Variants in CTNNBL1 observed in about 807,000 individuals in gnomAD.
CTNNBL1 encodes the protein catenin beta like 1, also known as beta-catenin-like protein 1.
A neutral mutation model predicts 72.7 loss-of-function variants in CTNNBL1; 31 were observed. The observed-to-expected ratio is 0.43, with a 90% CI of 0.32 to 0.58. The LOEUF is 0.58. CTNNBL1 is among the 20% of genes least tolerant of loss of function. CTNNBL1 has a pLI of 0.08. For missense variants in CTNNBL1, 534 were observed against 725.1 expected (o/e 0.74, Z 3.03); for synonymous variants, 240 against 267.3 (o/e 0.90, Z 1.00).
intron 3 of CTNNBL1, among the ~76,000 whole-genome samples, chr20:37,740,931 AGGGAGCATCAT>A (rs1442390679): frequency 6.6e-6 from 1 of 152,220 alleles, no homozygotes; most frequent in African/African-American, 2.4e-5. Context: ...ACTTGGATGG[AGGGAGCATCAT>A]GTTCCCCCAG....
chr20:37,820,462 A>G (rs1337516520), intron 11 of CTNNBL1, among the ~76,000 whole-genome samples: 1 of 152,096 alleles, frequency 6.6e-6, no homozygotes, highest in East Asian at 1.9e-4. Context: ...TGCTCCTTCC[A>G]GTGTTCCAGA....
intron 10 of CTNNBL1, among the ~76,000 whole-genome samples, chr20:37,787,623 C>T (rs1161796839): frequency 6.6e-6 from 1 of 152,186 alleles, no homozygotes; most frequent in East Asian, 1.9e-4. Context: ...GGATTACAGG[C>T]GTGAGCCACC....
At position 37,791,067 on chromosome 20, in the gene CTNNBL1, C is replaced by T. The variant is rs6020938; in HGVS notation, c.1031+11732C>T. Among the ~76,000 whole-genome samples, 490 of 152,248 alleles carry T rather than the reference C, an allele frequency of 3.2e-3. 7 individuals carry two copies. Among genetic ancestry groups the T allele is most frequent in the African/African-American group, 0.011 (442 of 41,504 alleles). ...CACTCACTGTAATTATTTTGAGATT[C>T]GTCCATGTTGTGTATCAATAATTAG... On this transcript the variant is annotated intron_variant, in intron 10 of 15. Coordinates refer to ENST00000361383, the MANE Select transcript of CTNNBL1 (RefSeq NM_030877.5).
At chr20:37,742,789 C>G (rs549773183) in intron 3 of CTNNBL1, among the ~76,000 whole-genome samples, 24 of 152,118 alleles carry the variant, frequency 1.6e-4, no homozygotes, top group Non-Finnish European at 3.4e-4. Context: ...AGGTGACTAA[C>G]AATCGTTCAA....
chr20:37,834,687 TAGATTC>T (rs1195851856), intron 11 of CTNNBL1, among the ~76,000 whole-genome samples: 1 of 152,180 alleles, frequency 6.6e-6, no homozygotes, highest in African/African-American at 2.4e-5. Context: ...TCAGGCGACT[TAGATTC>T]AGATCTAAGA....
At chr20:37,728,108 G>A (rs146526548) in intron 1 of CTNNBL1, among the ~76,000 whole-genome samples, 1 of 152,246 alleles carries the variant, frequency 6.6e-6, no homozygotes, top group Non-Finnish European at 1.5e-5. Context: ...CCCTTCAGAT[G>A]GAAATCCCCT....
intron 11 of CTNNBL1, among the ~76,000 whole-genome samples, chr20:37,820,611 A>G (rs984735234): frequency 3.9e-5 from 6 of 152,162 alleles, no homozygotes; most frequent in Non-Finnish European, 7.3e-5. Context: ...TTCTCGTGAT[A>G]ATGAGGGAGT....
At chr20:37,714,504 A>G (rs1332115523) in intron 1 of CTNNBL1, among the ~76,000 whole-genome samples, 3 of 152,234 alleles carry the variant, frequency 2.0e-5, no homozygotes, top group Non-Finnish European at 4.4e-5. Flanking sequence ...TCTTGCTTTA[A>G]GTAATAGTAG....
intron 13 of CTNNBL1, among the ~76,000 whole-genome samples, chr20:37,855,388 A>T (rs551001485): frequency 2.0e-5 from 3 of 152,268 alleles, no homozygotes; most frequent in Non-Finnish European, 4.4e-5. Context: ...GTCCTTTATA[A>T]TAGTCATTAT....
At chr20:37,764,957 C>G (rs1194637419) in intron 5 of CTNNBL1, among the ~76,000 whole-genome samples, 1 of 152,166 alleles carries the variant, frequency 6.6e-6, no homozygotes, top group Non-Finnish European at 1.5e-5. Flanking sequence ...ACTTTGTCTG[C>G]TTGAGCTCCA....
Position 37,859,174 on chromosome 20 carries a change from T to C in CTNNBL1, c.1393-725T>C, listed in dbSNP as rs115728590. The stretch of plus-strand genomic sequence containing the variant: ...GAGTTCAAGACCAGCCTGGCCAACA[T>C]GGAGAACTCTTGTCTCTACTAAAAA... On this transcript the variant is annotated intron_variant, in intron 13 of 15. Coordinates refer to ENST00000361383, the MANE Select transcript of CTNNBL1 (RefSeq NM_030877.5). 6.0e-3 allele frequency among the ~76,000 whole-genome samples: 915 copies of C among 152,124 alleles called. 8 individuals carry two copies. Among genetic ancestry groups the C allele is most frequent in the African/African-American group, 0.021 (869 of 41,502 alleles).
chr20:37,855,950 C>T (rs527780181), intron 13 of CTNNBL1, among the ~76,000 whole-genome samples: 1 of 151,712 alleles, frequency 6.6e-6, no homozygotes. Flanking sequence ...CAAGAGCCTA[C>T]TAAGGGCTGG....
At position 37,705,927 on chromosome 20, in the gene CTNNBL1, C is replaced by T. The variant is rs186749169; in HGVS notation, c.30+11775C>T. 7.9e-5 allele frequency among the ~76,000 whole-genome samples: 12 copies of T among 152,316 alleles called. No homozygotes were observed. In the East Asian group the frequency reaches 2.3e-3, roughly 29 times the overall value. ...GTATTTCAGCTGAATATTGGCATCC[C>T]TTGGAGATATTAAGGGTTTGGTTCC... On this transcript the variant is annotated intron_variant, in intron 1 of 15. Coordinates refer to ENST00000361383, the MANE Select transcript of CTNNBL1 (RefSeq NM_030877.5).
At chr20:37,793,656 G>A in intron 10 of CTNNBL1, among the ~76,000 whole-genome samples, 1 of 152,274 alleles carries the variant, frequency 6.6e-6, no homozygotes, top group East Asian at 1.9e-4. Flanking sequence ...AAACCTTATA[G>A]GAGTGAACTT....
chr20:37,800,314 C>T (rs995955253), intron 10 of CTNNBL1, among the ~76,000 whole-genome samples: 2 of 152,134 alleles, frequency 1.3e-5, no homozygotes, highest in African/African-American at 2.4e-5. Flanking sequence ...AATCTTGACC[C>T]GGCTTCCCTC....
intron 11 of CTNNBL1, among the ~76,000 whole-genome samples, chr20:37,811,602 G>A (rs2072012557): frequency 6.6e-6 from 1 of 152,126 alleles, no homozygotes; most frequent in South Asian, 2.1e-4. Flanking sequence ...GGCTTGAGGG[G>A]ATGATTTTGA....
At chr20:37,699,472 C>T (rs1348349081) in intron 1 of CTNNBL1, among the ~76,000 whole-genome samples, 5 of 152,224 alleles carry the variant, frequency 3.3e-5, no homozygotes, top group Admixed American at 1.3e-4. Flanking sequence ...GCCAGACAAC[C>T]AGTAAGGAGC....
chr20:37,813,110 G>A (rs1013388882), intron 11 of CTNNBL1, among the ~76,000 whole-genome samples: 2 of 152,212 alleles, frequency 1.3e-5, no homozygotes, highest in African/African-American at 2.4e-5. Context: ...TGTTGGGGAC[G>A]TGTTCTCAGA....
intron 4 of CTNNBL1, 83 bp downstream of exon 4, chr20:37,746,690 A>T (rs1395052512): frequency 2.7e-6 from 4 of 1,480,842 alleles, no homozygotes; most frequent in Non-Finnish European, 2.8e-6. Context: ...CTCTTTGTAG[A>T]TGTGTGCTAT....
Sources: allele counts gnomAD v4.1 joint callset (sites outside exome capture counted in the v4.1 genomes callset), GRCh38; gene constraint gnomAD v4.1.1; transcripts MANE v1.5; gene names NCBI Gene and HGNC (gene_info 2026-07-23, HGNC 2026-07-21).